Variants in MGAT4C observed in about 807,000 individuals in gnomAD.
The protein encoded by MGAT4C is alpha-1,3-mannosyl-glycoprotein 4-beta-N-acetylglucosaminyltransferase C.
A neutral mutation model predicts 40.1 loss-of-function variants in MGAT4C; 19 were observed. That is an observed-to-expected ratio of 0.47 (90% CI 0.33 to 0.70). The LOEUF (loss-of-function observed/expected upper bound fraction) is 0.70. Among genes scored for constraint, MGAT4C ranks in the 30% least tolerant of loss-of-function variants. MGAT4C has a pLI of 0.02. For missense variants in MGAT4C, 491 were observed against 563.2 expected, an observed-to-expected ratio of 0.87 and a Z score of 1.30; for synonymous variants, 181 against 187.1, an observed-to-expected ratio of 0.97 and a Z score of 0.27.
chr12:85,999,051 G>T (rs1886976587), intron 2 of MGAT4C, among the ~76,000 whole-genome samples: 1 of 152,120 alleles, frequency 6.6e-6, no homozygotes, highest in Admixed American at 6.5e-5. Flanking sequence ...AAACATGGTG[G>T]AAGGCAAGAA....
chr12:86,485,181 CAG>C (rs1238605292), intron 2 of MGAT4C, among the ~76,000 whole-genome samples: 71 of 152,286 alleles, frequency 4.7e-4, no homozygotes, highest in Non-Finnish European at 1.2e-4. Context: ...TTCAAAAAGT[CAG>C]AGTGTCCTCT....
chr12:86,756,706 A>G (rs1379539641), intron 1 of MGAT4C, among the ~76,000 whole-genome samples: 1 of 152,124 alleles, frequency 6.6e-6, no homozygotes, highest in Non-Finnish European at 1.5e-5. Flanking sequence ...CACTATTCTT[A>G]TTTCGCCACA....
At chr12:86,304,867 C>G (rs950105277) in intron 4 of MGAT4C, among the ~76,000 whole-genome samples, 2 of 150,526 alleles carry the variant, frequency 1.3e-5, no homozygotes, top group African/African-American at 5.0e-5. Flanking sequence ...AGCAAACCAC[C>G]AGTAGCTGGG....
At chr12:86,714,774 AAAGGAAGG>A (rs71445060) in intron 2 of MGAT4C, among the ~76,000 whole-genome samples, 2,126 of 141,488 alleles carry the variant, frequency 0.015, 48 homozygotes, top group African/African-American at 0.05. Context: ...TGGAAGGGAA[AAAGGAAGG>A]AAGGAAGGAA....
At chr12:86,112,895 G>C (rs1310239515) in intron 1 of MGAT4C, among the ~76,000 whole-genome samples, 1 of 151,698 alleles carries the variant, frequency 6.6e-6, no homozygotes, top group East Asian at 1.9e-4. Context: ...GAATTGCAAG[G>C]GTGTTTGGGG....
intron 4 of MGAT4C, among the ~76,000 whole-genome samples, chr12:86,325,669 G>T (rs1954509292): frequency 6.6e-6 from 1 of 152,104 alleles, no homozygotes; most frequent in African/African-American, 2.4e-5. Flanking sequence ...CTTGAGCCCA[G>T]GAGTTCAAGA....
chr12:86,183,071 G>T (rs1489125042), intron 1 of MGAT4C, among the ~76,000 whole-genome samples: 2 of 152,060 alleles, frequency 1.3e-5, no homozygotes, highest in Non-Finnish European at 2.9e-5. Context: ...TCTTCATCAT[G>T]TTCAGTTTTG....
At position 86,489,402 on chromosome 12, in the gene MGAT4C, A is replaced by G. The variant is rs905475048; in HGVS notation, c.-228-54137T>C. Among the ~76,000 whole-genome samples, 3 of 152,140 alleles carry G rather than the reference A, an allele frequency of 2.0e-5. No individual in the cohort carries two copies. The South Asian group carries it at 6.2e-4, about 32-fold the overall frequency. On this transcript the variant is annotated intron_variant, in intron 2 of 7. Transcript: ENST00000548651. ...GAGAGACCTCTGGGCACTGCACAAG[A>G]ATTTGGGACACACCAAGTGTGGGTA...
chr12:86,012,089 A>T (rs573136727), intron 2 of MGAT4C, among the ~76,000 whole-genome samples: 1 of 152,364 alleles, frequency 6.6e-6, no homozygotes, highest in East Asian at 1.9e-4. Flanking sequence ...GAAAAGTCGT[A>T]ACTCATATTA....
chr12:86,135,549 G>A (rs1398530615), intron 1 of MGAT4C, among the ~76,000 whole-genome samples: 1 of 152,122 alleles, frequency 6.6e-6, no homozygotes, highest in East Asian at 1.9e-4. Flanking sequence ...AGGGGGGGCA[G>A]ACAAGATAAA....
chr12:86,834,024 G>A (rs1952985071), intron 1 of MGAT4C, among the ~76,000 whole-genome samples: 1 of 151,554 alleles, frequency 6.6e-6, no homozygotes, highest in African/African-American at 2.4e-5. Context: ...TTTTAATGCT[G>A]AATAGTATTT....
chr12:86,762,480 G>A (rs1488760556), intron 1 of MGAT4C, among the ~76,000 whole-genome samples: 1 of 152,104 alleles, frequency 6.6e-6, no homozygotes, highest in African/African-American at 2.4e-5. Flanking sequence ...ACTGTTCATT[G>A]TTAGAAGCTG....
In MGAT4C at chr12:85,974,631, A is replaced by T. The variant is rs949854989; in HGVS notation, c.*4658T>A. On this transcript the variant is annotated 3_prime_UTR_variant, in exon 5 of 5. Coordinates refer to ENST00000611864, the MANE Select transcript of MGAT4C (RefSeq NM_001351288.2). ...TAATGAAATCATTTCAAAGCATGCCAAAAAGTAATAAAAGATATATCCTCT... is the reference window on the plus strand; with the variant it reads ...TAATGAAATCATTTCAAAGCATGCCTAAAAGTAATAAAAGATATATCCTCT... The T allele has an allele frequency of 6.6e-6, 1 of 150,720 alleles. No homozygotes were observed. Among genetic ancestry groups the T allele is most frequent in the Admixed American group, 6.6e-5 (1 of 15,068 alleles). 9.3% of individuals were successfully genotyped at this position (150,720 alleles called of 1,614,324 possible). A position where few individuals can be genotyped will look rare whatever the true frequency, so the allele number is the denominator to read the frequency against.
At chr12:86,605,143 T>C (rs944621765) in intron 2 of MGAT4C, among the ~76,000 whole-genome samples, 2 of 152,282 alleles carry the variant, frequency 1.3e-5, no homozygotes, top group Admixed American at 1.3e-4. Flanking sequence ...GGTCTCATTA[T>C]AACTGACCAC....
Position 86,511,925 on chromosome 12 carries a change from C to T in MGAT4C, c.-228-76660G>A, listed in dbSNP as rs138528826. On this transcript the variant is annotated intron_variant, in intron 2 of 7. Coordinates refer to the MGAT4C transcript ENST00000548651. Reference sequence around the variant, plus strand: ...ACATCAAACTAAAAATCTTTTGCACCGCAAAGGAAACAATTAATAGATTGA... The same window carrying T: ...ACATCAAACTAAAAATCTTTTGCACTGCAAAGGAAACAATTAATAGATTGA... Among the ~76,000 whole-genome samples, 42 of 151,870 alleles carry T rather than the reference C, an allele frequency of 2.8e-4. 1 individual carries two copies. Among genetic ancestry groups the T allele is most frequent in the South Asian group, 4.2e-4 (2 of 4,818 alleles).
At chr12:86,290,713 G>GAA (rs147119867) in intron 4 of MGAT4C, among the ~76,000 whole-genome samples, 1 of 111,808 alleles carries the variant, frequency 8.9e-6, no homozygotes, top group Non-Finnish European at 1.9e-5. Context: ...GTTAAGGAAA[G>GAA]AAAAAAAAAA....
At chr12:86,044,119 T>C (rs1301812068) in intron 2 of MGAT4C, among the ~76,000 whole-genome samples, 1 of 152,224 alleles carries the variant, frequency 6.6e-6, no homozygotes, top group Non-Finnish European at 1.5e-5. Context: ...ACTGGATTTC[T>C]TTCTGGAAGA....
At chr12:86,415,610 C>G (rs1956694052) in intron 3 of MGAT4C, among the ~76,000 whole-genome samples, 1 of 151,862 alleles carries the variant, frequency 6.6e-6, no homozygotes, top group South Asian at 2.1e-4. Flanking sequence ...ATTTTTAAAG[C>G]CAGAGAATGA....
At chr12:86,476,472 G>T (rs1179522523) in intron 2 of MGAT4C, among the ~76,000 whole-genome samples, 1 of 152,038 alleles carries the variant, frequency 6.6e-6, no homozygotes, top group African/African-American at 2.4e-5. Context: ...CTTATATACT[G>T]TTGTTGGGAA....
Sources: gnomAD v4.1 joint callset for allele counts (sites outside exome capture counted in the v4.1 genomes callset) on GRCh38, gnomAD v4.1.1 for gene constraint, MANE v1.5 for transcripts, NCBI Gene and HGNC (gene_info 2026-07-23, HGNC 2026-07-21) for gene names.